Variants in DUS2 observed in about 807,000 individuals in gnomAD.
DUS2 encodes the protein tRNA-dihydrouridine(20) synthase [NAD(P)+]-like.
A neutral mutation model predicts 71.3 loss-of-function variants in DUS2; 52 were observed. The ratio of observed to expected loss-of-function variants is 0.73; its 90% CI spans 0.58 to 0.92. DUS2 has a LOEUF of 0.92. Among genes scored for constraint, DUS2 ranks in the 40% least tolerant of loss-of-function variants. The pLI is 0.00. For missense variants in DUS2, 558 were observed against 622.6 expected (o/e 0.90, Z 1.10); for synonymous variants, 204 against 227.8 (o/e 0.90, Z 0.94).
rs746996249 is a variant in DUS2 at position 68,054,611 on chromosome 16, G to C, written c.302G>C (p.Arg101Thr). The change falls in exon 6 of 17, where the codon AGG becomes ACG. Residue 101 changes from arginine to threonine, a missense_variant. By Grantham distance (71) the Arg-to-Thr change is moderately conservative. Coordinates refer to ENST00000565263, the MANE Select transcript of DUS2 (RefSeq NM_017803.5). Reference protein sequence around the residue: ...SDAERALAVARLVENDVAGID... With the variant: ...SDAERALAVATLVENDVAGID... ...GCAGAGCGAGCCCTTGCTGTGGCCA[G>C]GCTTGTGTAAGTTCATCCTCTGTCT... 6.2e-7 allele frequency: 1 copy of C among 1,614,182 alleles called. No individual in the cohort carries two copies. The highest frequency in any genetic ancestry group is 8.5e-7 in the Non-Finnish European group (1 of 1,180,038).
chr16:68,035,673 G>A (rs1456443833), intron 2 of DUS2, among the ~76,000 whole-genome samples: 2 of 148,648 alleles, frequency 1.3e-5, no homozygotes, highest in African/African-American at 5.0e-5. Flanking sequence ...ATAGGCATGA[G>A]CCACCGTGCC....
chr16:68,033,634 ATTTTTT>A (rs548683357), intron 2 of DUS2, among the ~76,000 whole-genome samples: 3 of 125,358 alleles, frequency 2.4e-5, no homozygotes, highest in African/African-American at 6.0e-5. Flanking sequence ...ACAGGTGCTA[ATTTTTT>A]TTTTTTTTTT....
chr16:68,066,661 T>C (rs781470873), intron 10 of DUS2, 25 bp downstream of exon 10: 3 of 1,611,464 alleles, frequency 1.9e-6, no homozygotes, highest in Non-Finnish European at 2.5e-6. Context: ...TTCTAGTGAC[T>C]GGCAGGGAGG....
chr16:68,023,672 GA>G, intron 1 of DUS2: 1 of 172,920 alleles, frequency 5.8e-6, no homozygotes. Context: ...TAGGGGCCGA[GA>G]CAGGGGTCTG....
intron 7 of DUS2, among the ~76,000 whole-genome samples, chr16:68,059,763 T>C (rs971444363): frequency 2.0e-5 from 3 of 152,216 alleles, no homozygotes; most frequent in Non-Finnish European, 4.4e-5. Flanking sequence ...ATTGTTTTTT[T>C]TGCCTTCATC....
At chr16:68,066,738 C>A in intron 10 of DUS2, 102 bp downstream of exon 10, 3 of 1,206,224 alleles carry the variant, frequency 2.5e-6, no homozygotes, top group Non-Finnish European at 3.7e-6. Context: ...AATTTCTCTT[C>A]TACATATTCA....
At chr16:68,054,018 G>T in intron 5 of DUS2, 1 of 210,146 alleles carries the variant, frequency 4.8e-6, no homozygotes, top group East Asian at 1.1e-4. Context: ...AAAATATTAG[G>T]ATTTTTCAAG....
Position 68,053,551 on chromosome 16 carries a change from G to C in DUS2, c.173-13G>C, listed in dbSNP as rs760562788. 1.2e-6 allele frequency: 2 copies of C among 1,614,100 alleles called. No homozygotes were observed. Among genetic ancestry groups the C allele is most frequent in the South Asian group, 2.2e-5 (2 of 91,078 alleles). ...TTCATTGAGTGACCCTATGTGTTTG[G>C]GTTTTCTTGCAGAGGTGCTCAGCAC... is the stretch of plus-strand genomic sequence containing the variant. On this transcript the variant is annotated splice_polypyrimidine_tract_variant and intron_variant, in intron 4 of 16. Coordinates refer to ENST00000565263, the MANE Select transcript of DUS2 (RefSeq NM_017803.5).
intron 3 of DUS2, among the ~76,000 whole-genome samples, chr16:68,041,416 A>C (rs2033623512): frequency 6.6e-6 from 1 of 152,106 alleles, no homozygotes; most frequent in South Asian, 2.1e-4. Flanking sequence ...CCTGTCTGTG[A>C]AGAGACACTG....
chr16:68,064,653 G>GT (rs1466329683), intron 8 of DUS2, among the ~76,000 whole-genome samples: 1 of 152,160 alleles, frequency 6.6e-6, no homozygotes, highest in Non-Finnish European at 1.5e-5. Flanking sequence ...CCCTTAAAAT[G>GT]TAAGTGCCTC....
chr16:68,034,747 C>G (rs1471117451), intron 2 of DUS2, among the ~76,000 whole-genome samples: 1 of 152,074 alleles, frequency 6.6e-6, no homozygotes, highest in East Asian at 1.9e-4. Flanking sequence ...CCTGTAATCC[C>G]AGCACTTTGG....
chr16:68,048,856 A>G (rs1169665601), intron 3 of DUS2, among the ~76,000 whole-genome samples: 1 of 152,164 alleles, frequency 6.6e-6, no homozygotes, highest in Non-Finnish European at 1.5e-5. Flanking sequence ...CTTGTCTCCA[A>G]CTAAGAATTA....
chr16:68,072,199 G>A (rs550987495), intron 12 of DUS2, among the ~76,000 whole-genome samples: 32 of 152,350 alleles, frequency 2.1e-4, no homozygotes, highest in Non-Finnish European at 8.8e-5. Context: ...AAGATGCCCT[G>A]AGGTCTGCGT....
At chr16:68,077,391 A>T (rs1262375850) in intron 15 of DUS2, 4 of 149,740 alleles carry the variant, frequency 2.7e-5, no homozygotes, top group African/African-American at 1.0e-4. Context: ...TTATTTAATT[A>T]TTTATTTATT....
At chr16:68,049,644 T>C (rs2033752135) in intron 4 of DUS2, 94 bp downstream of exon 4, 1 of 1,152,016 alleles carries the variant, frequency 8.7e-7, no homozygotes, top group African/African-American at 1.5e-5. Flanking sequence ...GTGTCTTGCC[T>C]GGCTTCATTG....
At position 68,023,346 on chromosome 16, in the gene DUS2, T is replaced by C; in HGVS notation, c.-104T>C. ...GCGAGGTTCTTTTTAAGAGTTCAGCTGCGAGGTCTGTAGCTCCGAATAGGG... is the reference window on the plus strand; with the variant it reads ...GCGAGGTTCTTTTTAAGAGTTCAGCCGCGAGGTCTGTAGCTCCGAATAGGG... On this transcript the variant is annotated 5_prime_UTR_variant, in exon 1 of 17. Transcript: ENST00000565263. 1 of 1,022,476 alleles carries C rather than the reference T, an allele frequency of 9.8e-7. No homozygotes were observed. The highest frequency in any genetic ancestry group is 1.4e-6 in the Non-Finnish European group (1 of 711,934). The allele number at this position is 1,022,476 out of a possible 1,614,324, so 63.3% of individuals were successfully genotyped here. A position where few individuals can be genotyped will look rare whatever the true frequency, so the allele number is the denominator to read the frequency against.
chr16:68,073,855 C>T (rs113211458), intron 12 of DUS2, among the ~76,000 whole-genome samples, 179 bp from the exon 13 acceptor site: 2,003 of 152,252 alleles, frequency 0.013, 43 homozygotes, highest in African/African-American at 0.045. Context: ...TCTCAGAGTG[C>T]TGGGATTACA....
At chr16:68,065,040 G>T (rs1357670786) in intron 8 of DUS2, among the ~76,000 whole-genome samples, 1 of 152,200 alleles carries the variant, frequency 6.6e-6, no homozygotes, top group African/African-American at 2.4e-5. Flanking sequence ...GAGGGAAGAA[G>T]ATAGCAATGA....
chr16:68,049,222 C>T (rs1188060050), intron 3 of DUS2, among the ~76,000 whole-genome samples: 1 of 152,162 alleles, frequency 6.6e-6, no homozygotes, highest in Non-Finnish European at 1.5e-5. Context: ...CAAGTGAATA[C>T]ATCCTGAATG....
Sources: gnomAD v4.1 joint callset for allele counts (sites outside exome capture counted in the v4.1 genomes callset) on GRCh38, gnomAD v4.1.1 for gene constraint, MANE v1.5 for transcripts, NCBI Gene and HGNC (gene_info 2026-07-23, HGNC 2026-07-21) for gene names.